Variants in MIPOL1 observed in about 807,000 individuals in gnomAD.
The protein encoded by MIPOL1 is mirror-image polydactyly gene 1 protein.
In MIPOL1, 57 loss-of-function variants were observed where a neutral mutation model predicts 60.9. The observed-to-expected ratio is 0.94, with a 90% CI of 0.76 to 1.17. The LOEUF is 1.17. Ranked by LOEUF, MIPOL1 falls within the 50% of genes most tolerant of loss-of-function variation. MIPOL1 has a pLI of 0.00. For missense variants in MIPOL1, 551 were observed against 511.6 expected (o/e 1.08, Z -0.74); for synonymous variants, 179 against 168.8 (o/e 1.06, Z -0.47).
chr14:37,230,579 A>T (rs1227744952), intron 1 of MIPOL1, among the ~76,000 whole-genome samples: 1 of 152,178 alleles, frequency 6.6e-6, no homozygotes, highest in Non-Finnish European at 1.5e-5. Flanking sequence ...ATTTTATAAG[A>T]TGTTGAAGAA....
intron 1 of MIPOL1, among the ~76,000 whole-genome samples, chr14:37,235,485 T>A (rs1256956162): frequency 6.6e-6 from 1 of 152,134 alleles, no homozygotes; most frequent in Admixed American, 6.6e-5. Flanking sequence ...TATGGGTGTG[T>A]GGTATAGTTA....
chr14:37,268,740 A>G lies in MIPOL1; in HGVS notation c.334A>G (p.Thr112Ala), dbSNP rs756433482. ...TACTTCAGACTCAGATAAAGAGAAG[A>G]CAATAGCATTTCTTCTAAAAGAATT... ...QVTSDSDKEK[T>A]IAFLLKELDI... Residue 112 changes from threonine to alanine, a missense_variant, in exon 5 of 13, where the codon ACA (threonine) becomes GCA (alanine). Thr to Ala is a moderately conservative substitution (Grantham distance 58). Coordinates refer to ENST00000684589, the MANE Select transcript of MIPOL1 (RefSeq NM_001388067.1). The G allele has an allele frequency of 2.5e-6, 4 of 1,596,810 alleles. No individual in the cohort carries two copies. In the African/African-American group the frequency reaches 5.4e-5, roughly 22 times the overall value.
intron 11 of MIPOL1, among the ~76,000 whole-genome samples, chr14:37,481,485 A>C (rs1004886456): frequency 3.3e-5 from 5 of 151,806 alleles, no homozygotes; most frequent in Non-Finnish European, 7.4e-5. Context: ...ATTCAGTGCA[A>C]TAATTATCAG....
intron 1 of MIPOL1, among the ~76,000 whole-genome samples, chr14:37,209,056 A>G (rs1966538750): frequency 6.6e-6 from 1 of 152,254 alleles, no homozygotes; most frequent in African/African-American, 2.4e-5. Flanking sequence ...ACTACTTATT[A>G]AACTGTAAAC....
At chr14:37,304,794 C>A (rs2086645003) in intron 7 of MIPOL1, among the ~76,000 whole-genome samples, 1 of 151,710 alleles carries the variant, frequency 6.6e-6, no homozygotes. Context: ...TATAGGAAAT[C>A]AATTGAAACT....
At chr14:37,329,176 A>G (rs2153452704) in intron 9 of MIPOL1, among the ~76,000 whole-genome samples, 1 of 152,246 alleles carries the variant, frequency 6.6e-6, no homozygotes, top group Admixed American at 6.5e-5. Context: ...ATCACCACTC[A>G]ATAGTTTGAA....
At chr14:37,340,905 G>A (rs1307665451) in intron 9 of MIPOL1, among the ~76,000 whole-genome samples, 1 of 151,976 alleles carries the variant, frequency 6.6e-6, no homozygotes, top group Admixed American at 6.6e-5. Context: ...CCCTGTACAG[G>A]TATACCATTT....
intron 9 of MIPOL1, among the ~76,000 whole-genome samples, chr14:37,331,469 G>T (rs976333675): frequency 1.3e-5 from 2 of 151,350 alleles, no homozygotes; most frequent in Non-Finnish European, 2.9e-5. Flanking sequence ...AGTGTTCATT[G>T]TAGAGACTTT....
At chr14:37,218,986 G>GTAA (rs1968279462) in intron 1 of MIPOL1, among the ~76,000 whole-genome samples, 2 of 151,778 alleles carry the variant, frequency 1.3e-5, no homozygotes, top group Non-Finnish European at 2.9e-5. Context: ...AGTAAAGGTG[G>GTAA]TAAAAGCAGA....
chr14:37,535,184 A>T (rs1338373031), intron 12 of MIPOL1, among the ~76,000 whole-genome samples: 1 of 152,068 alleles, frequency 6.6e-6, no homozygotes, highest in African/African-American at 2.4e-5. Flanking sequence ...TTGATTGGTG[A>T]GCTTCATTTT....
Position 37,235,916 on chromosome 14 carries a change from C to G in MIPOL1, c.-198-11187C>G, listed in dbSNP as rs1255246302. Among the ~76,000 whole-genome samples, 3 of 151,628 alleles carry G rather than the reference C, an allele frequency of 2.0e-5. 1 individual carries two copies. Among genetic ancestry groups the G allele is most frequent in the African/African-American group, 7.3e-5 (3 of 41,300 alleles). On this transcript the variant is annotated intron_variant, in intron 1 of 12. Transcript: ENST00000684589. The stretch of plus-strand genomic sequence containing the variant: ...CAGTTTCTCCATGACCTTACCAATG[C>G]TTAGTATTTTCAATTTTTTTTTTTT...
Position 37,443,399 on chromosome 14 carries a change from C to G in MIPOL1, c.1031+20450C>G, listed in dbSNP as rs200696396. On this transcript the variant is annotated intron_variant, in intron 11 of 12. Transcript: ENST00000684589. ...GCCTGAGCCCAAGAGGTTGAGACTA[C>G]AGTGAGCTATGATTGCACCACTGCA... Among the ~76,000 whole-genome samples, 49 of 120,580 alleles carry G rather than the reference C, an allele frequency of 4.1e-4. No homozygotes were observed. The East Asian group carries it at 0.011, about 27-fold the overall frequency. 79.1% of individuals were successfully genotyped at this position (120,580 alleles called of 152,430 possible).
intron 9 of MIPOL1, among the ~76,000 whole-genome samples, chr14:37,339,634 A>G (rs2090428581): frequency 6.6e-6 from 1 of 152,212 alleles, no homozygotes; most frequent in Admixed American, 6.5e-5. Context: ...TGAAAATGGA[A>G]TACTATTTAG....
chr14:37,360,256 A>G (rs1008691632), intron 9 of MIPOL1, among the ~76,000 whole-genome samples: 2 of 152,064 alleles, frequency 1.3e-5, no homozygotes, highest in Admixed American at 1.3e-4. Context: ...ATCCATATTG[A>G]TCAGGGATGT....
intron 12 of MIPOL1, among the ~76,000 whole-genome samples, chr14:37,531,629 C>T (rs1178522579): frequency 6.6e-6 from 1 of 152,158 alleles, no homozygotes; most frequent in Non-Finnish European, 1.5e-5. Flanking sequence ...AACTGCGTGT[C>T]ACCCAAACCT....
intron 1 of MIPOL1, among the ~76,000 whole-genome samples, chr14:37,245,862 A>G (rs1229546267): frequency 6.6e-6 from 1 of 152,096 alleles, no homozygotes; most frequent in Non-Finnish European, 1.5e-5. Flanking sequence ...AAGCTTCTGA[A>G]AGTTAGTTGT....
intron 11 of MIPOL1, among the ~76,000 whole-genome samples, chr14:37,473,999 C>T (rs1185027517): frequency 6.6e-6 from 1 of 152,128 alleles, no homozygotes; most frequent in African/African-American, 2.4e-5. Flanking sequence ...TCCACAATGT[C>T]ATATTGTTGG....
At chr14:37,200,899 T>TGTGTGTG (rs1566965450) in intron 1 of MIPOL1, among the ~76,000 whole-genome samples, 12 of 65,956 alleles carry the variant, frequency 1.8e-4, no homozygotes, top group Non-Finnish European at 2.2e-4. Context: ...TGTGTGTGTG[T>TGTGTGTG]ATTTTTTTTT....
At chr14:37,357,994 C>T (rs1298789965) in intron 9 of MIPOL1, among the ~76,000 whole-genome samples, 2 of 151,870 alleles carry the variant, frequency 1.3e-5, no homozygotes. Context: ...CCCCCAGCTT[C>T]CTGCCCCCTG....
Sources: allele counts gnomAD v4.1 joint callset (sites outside exome capture counted in the v4.1 genomes callset), GRCh38; gene constraint gnomAD v4.1.1; transcripts MANE v1.5; gene names NCBI Gene and HGNC (gene_info 2026-07-23, HGNC 2026-07-21).